Variants in GPHN observed in about 807,000 individuals in gnomAD.
GPHN encodes the protein gephyrin.
Under a neutral mutation model 95.5 loss-of-function variants are expected in GPHN, and 17 were observed. The ratio of observed to expected loss-of-function variants is 0.18; its 90% confidence interval spans 0.12 to 0.27. The LOEUF is 0.27. GPHN is among the 10% of genes least tolerant of loss of function. GPHN has a pLI of 1.00. For synonymous variants in GPHN, 320 were observed against 322.5 expected, an observed-to-expected ratio of 0.99 and a Z score of 0.08; for missense variants, 660 against 978.1, an observed-to-expected ratio of 0.67 and a Z score of 4.34.
At chr14:66,864,351 G>C (rs2063148926) in intron 4 of GPHN, among the ~76,000 whole-genome samples, 1 of 152,130 alleles carries the variant, frequency 6.6e-6, no homozygotes, top group Non-Finnish European at 1.5e-5. Flanking sequence ...GGGAACCCTT[G>C]TACACCATTG....
intron 2 of GPHN, among the ~76,000 whole-genome samples, chr14:66,701,399 G>A (rs1321121290): frequency 6.6e-6 from 1 of 152,154 alleles, no homozygotes; most frequent in Non-Finnish European, 1.5e-5. Context: ...AGAAACAGTA[G>A]CAATTGGATG....
chr14:67,569,152 T>C, the GPHN span: 1 of 1,612,206 alleles, frequency 6.2e-7, no homozygotes, highest in Non-Finnish European at 8.5e-7. Context: ...GCCGGATCTA[T>C]GCTGTGGCCA....
intron 4 of GPHN, among the ~76,000 whole-genome samples, chr14:66,859,620 C>T (rs748253765): frequency 1.3e-5 from 2 of 152,152 alleles, no homozygotes; most frequent in Non-Finnish European, 2.9e-5. Flanking sequence ...CCTCACACTA[C>T]AAACTAAATA....
chr14:67,452,865 A>G, the GPHN span, among the ~76,000 whole-genome samples: 1 of 152,246 alleles, frequency 6.6e-6, no homozygotes, highest in Non-Finnish European at 1.5e-5. Flanking sequence ...TCACATAGAC[A>G]GGAAGAGGCA....
At chr14:66,914,038 G>A (rs1249756067) in intron 5 of GPHN, among the ~76,000 whole-genome samples, 1 of 151,856 alleles carries the variant, frequency 6.6e-6, no homozygotes, top group African/African-American at 2.4e-5. Flanking sequence ...CTGATGTAAT[G>A]TTTTGACAAA....
At chr14:67,663,031 G>A in the GPHN span, 16 of 1,412,596 alleles carry the variant, frequency 1.1e-5, no homozygotes, top group Admixed American at 6.4e-5. Context: ...CCACCTACTC[G>A]GCTTGCTGAG....
At chr14:67,058,962 C>T (rs2075716413) in intron 11 of GPHN, 176 bp downstream of exon 11, 1 of 648,814 alleles carries the variant, frequency 1.5e-6, no homozygotes. Context: ...AGGGTTCAGC[C>T]TTAACAGTAT....
At chr14:67,673,582 ATATAT>A in the GPHN span, among the ~76,000 whole-genome samples, 1 of 152,228 alleles carries the variant, frequency 6.6e-6, no homozygotes, top group Non-Finnish European at 1.5e-5. Context: ...CACAATAAAT[ATATAT>A]TAAATACATG....
intron 2 of GPHN, among the ~76,000 whole-genome samples, chr14:66,710,664 C>T (rs1366997363): frequency 2.0e-5 from 3 of 152,032 alleles, no homozygotes; most frequent in Admixed American, 2.0e-4. Flanking sequence ...GGGAAATAAT[C>T]GAGATGAAAG....
At chr14:67,078,150 A>G (rs911377673) in intron 11 of GPHN, among the ~76,000 whole-genome samples, 1 of 152,314 alleles carries the variant, frequency 6.6e-6, no homozygotes, top group Non-Finnish European at 1.5e-5. Flanking sequence ...AACCTTCAGC[A>G]AAATGAAATG....
At chr14:67,419,531 C>A in the GPHN span, among the ~76,000 whole-genome samples, 1 of 152,228 alleles carries the variant, frequency 6.6e-6, no homozygotes, top group Non-Finnish European at 1.5e-5. Flanking sequence ...CGCAGGGCTG[C>A]CTTCCCCAAA....
intron 11 of GPHN, among the ~76,000 whole-genome samples, chr14:67,070,715 A>AAAAAAATATATATAT: frequency 1.7e-4 from 14 of 80,688 alleles, no homozygotes; most frequent in Admixed American, 3.4e-4. Flanking sequence ...AAAAAAAAAA[A>AAAAAAATATATATAT]ATATATATAT....
At chr14:67,418,734 C>A in the GPHN span, among the ~76,000 whole-genome samples, 2 of 152,006 alleles carry the variant, frequency 1.3e-5, no homozygotes, top group Non-Finnish European at 2.9e-5. Context: ...CAAAGCTGAT[C>A]GACACACTTG....
the GPHN span, among the ~76,000 whole-genome samples, chr14:67,478,943 C>G: frequency 1.3e-5 from 2 of 152,214 alleles, no homozygotes; most frequent in African/African-American, 4.8e-5. Context: ...GAATATTCAA[C>G]CTAACTCCGA....
At chr14:66,587,708 A>G (rs200601587) in intron 1 of GPHN, among the ~76,000 whole-genome samples, 1 of 152,324 alleles carries the variant, frequency 6.6e-6, no homozygotes, top group South Asian at 2.1e-4. Flanking sequence ...CCATTCTGAC[A>G]TTACTATAAA....
chr14:66,762,558 TA>T (rs11323905), intron 2 of GPHN, among the ~76,000 whole-genome samples: 92,852 of 143,146 alleles, frequency 0.65, 33,171 homozygotes, highest in Non-Finnish European at 0.83. Context: ...TGTCACATAG[TA>T]AAAAAAAAAA....
At chr14:67,188,655 T>C in the GPHN span, among the ~76,000 whole-genome samples, 2 of 152,006 alleles carry the variant, frequency 1.3e-5, no homozygotes, top group Non-Finnish European at 2.9e-5. Context: ...TCTGAGACAA[T>C]AACAGGGGAA....
At chr14:66,938,239 G>A (rs1314968706) in intron 8 of GPHN, among the ~76,000 whole-genome samples, 2 of 152,146 alleles carry the variant, frequency 1.3e-5, no homozygotes, top group South Asian at 2.1e-4. Context: ...ATTACTAAGA[G>A]TTTCTGAATT....
At chr14:66,864,606 C>G (rs949414036) in intron 4 of GPHN, among the ~76,000 whole-genome samples, 1 of 152,084 alleles carries the variant, frequency 6.6e-6, no homozygotes, top group Non-Finnish European at 1.5e-5. Flanking sequence ...AACCCTGTTT[C>G]TACTAAAAAT....
Sources: gnomAD v4.1 joint callset for allele counts (sites outside exome capture counted in the v4.1 genomes callset) on GRCh38, gnomAD v4.1.1 for gene constraint, MANE v1.5 for transcripts, NCBI Gene and HGNC (gene_info 2026-07-23, HGNC 2026-07-21) for gene names.